The following ADGRV1 variants were observed in gnomAD, a reference collection of about 807,000 sequenced individuals.
The protein encoded by ADGRV1 is adhesion G protein-coupled receptor V1, also known as G-protein coupled receptor 98.
Under a neutral mutation model 596.2 loss-of-function variants are expected in ADGRV1, and 359 were observed. The observed-to-expected ratio is 0.60, with a 90% confidence interval of 0.55 to 0.66. The LOEUF is 0.66. Among genes scored for constraint, ADGRV1 ranks in the 30% least tolerant of loss-of-function variants. ADGRV1 has a pLI of 0.00. For synonymous variants in ADGRV1, 2,681 were observed against 2,679.2 expected, an observed-to-expected ratio of 1.00 and a Z score of -0.02; for missense variants, 7,274 against 7,575.6, an observed-to-expected ratio of 0.96 and a Z score of 1.48.
intron 87 of ADGRV1, among the ~76,000 whole-genome samples, chr5:91,110,334 C>T (rs928101579): frequency 3.3e-5 from 5 of 152,144 alleles, no homozygotes; most frequent in African/African-American, 1.2e-4. Flanking sequence ...ACTGTCCAAA[C>T]CTTGCAGGTG....
At chr5:90,786,869 TAGGC>T (rs1454202232) in intron 67 of ADGRV1, among the ~76,000 whole-genome samples, 1 of 152,146 alleles carries the variant, frequency 6.6e-6, no homozygotes, top group Non-Finnish European at 1.5e-5. Context: ...GGTGGTCACA[TAGGC>T]AGGGCAGCAT....
chr5:90,820,817 A>C (rs904573005), intron 75 of ADGRV1, among the ~76,000 whole-genome samples: 10 of 152,172 alleles, frequency 6.6e-5, no homozygotes, highest in African/African-American at 2.4e-4. Context: ...CTATGAGGGT[A>C]ACCCGACCTT....
At chr5:90,644,387 T>C (rs775051902) in intron 14 of ADGRV1, among the ~76,000 whole-genome samples, 4 of 152,226 alleles carry the variant, frequency 2.6e-5, no homozygotes, top group Non-Finnish European at 5.9e-5. Flanking sequence ...TTCCTGTAAC[T>C]GCTTTTAGCA....
chr5:90,976,474 G>A (rs1261268275), intron 84 of ADGRV1, among the ~76,000 whole-genome samples: 2 of 151,090 alleles, frequency 1.3e-5, no homozygotes, highest in Non-Finnish European at 3.0e-5. Context: ...ATTATTTTTT[G>A]GGTATTGTGT....
chr5:91,134,781 A>T (rs918366900), intron 87 of ADGRV1, among the ~76,000 whole-genome samples: 1 of 152,188 alleles, frequency 6.6e-6, no homozygotes, highest in Non-Finnish European at 1.5e-5. Context: ...TCTATATTAG[A>T]CTAATTTTAT....
chr5:91,131,375 T>C (rs781725023), intron 87 of ADGRV1, among the ~76,000 whole-genome samples: 8 of 152,128 alleles, frequency 5.3e-5, no homozygotes, highest in Non-Finnish European at 8.8e-5. Context: ...CATTGTTTCA[T>C]ATGTTTGTTG....
chr5:91,137,114 C>A (rs1283323414), intron 87 of ADGRV1, among the ~76,000 whole-genome samples: 1 of 151,978 alleles, frequency 6.6e-6, no homozygotes, highest in East Asian at 1.9e-4. Flanking sequence ...ATATGAAATT[C>A]TTGTTTTCCC....
Position 90,653,272 on chromosome 5 carries a change from C to G in ADGRV1, c.3698C>G (p.Pro1233Arg), listed in dbSNP as rs777451217. 3.7e-6 allele frequency: 6 copies of G among 1,613,866 alleles called. No individual in the cohort carries two copies. Among genetic ancestry groups the G allele is most frequent in the Non-Finnish European group, 1.7e-6 (2 of 1,179,842 alleles). The stretch of plus-strand genomic sequence containing the variant: ...AACCTCCAGGTGACAGTAATGGTTC[C>G]ATTCAATGATGATCCCTTTGGAGTT... ...ETNLQVTVMV[P>R]FNDDPFGVFI... Residue 1233 changes from proline (P) to arginine (R), a missense_variant, in exon 20 of 90, where the codon CCA (proline) becomes CGA (arginine). By Grantham distance (103) the Pro-to-Arg change is moderately radical. This residue lies in a region of ADGRV1 where 1,715 missense variants were observed against 1,708.8 expected (regional missense o/e 1.00). Transcript: ENST00000405460.
rs941326382 is a variant in ADGRV1, at chr5:90,683,639, C to A, written c.5718C>A (p.Asp1906Glu). The A allele has an allele frequency of 6.2e-7, 1 of 1,612,482 alleles. No homozygotes were observed. Among genetic ancestry groups the A allele is most frequent in the African/African-American group, 1.3e-5 (1 of 74,894 alleles). The change falls in exon 28 of 90, where the codon GAC becomes GAA. Residue 1906 changes from aspartate (D) to glutamate (E), a missense_variant. Around this residue, in one of 5 missense-constraint regions of ADGRV1, gnomAD observed 3,643 missense variants for 3,809.2 expected, o/e 0.96. Coordinates refer to ENST00000405460, the MANE Select transcript of ADGRV1 (RefSeq NM_032119.4). Reference sequence around the variant, plus strand: ...CAGTGACTTTGCATTGGAACATAGACTCTGATCCTGATGGTGATCTCGCCT... The same window carrying A: ...CAGTGACTTTGCATTGGAACATAGAATCTGATCCTGATGGTGATCTCGCCT... ...LSPVTLHWNI[D>E]SDPDGDLAFT... is the part of the protein sequence containing the mutation.
At chr5:91,139,200 G>C (rs1488816132) in intron 87 of ADGRV1, among the ~76,000 whole-genome samples, 1 of 152,202 alleles carries the variant, frequency 6.6e-6, no homozygotes, top group Non-Finnish European at 1.5e-5. Flanking sequence ...TTAGAATGGA[G>C]TCACATGAGA....
intron 21 of ADGRV1, among the ~76,000 whole-genome samples, chr5:90,664,670 GA>G (rs1770993105): frequency 7.3e-6 from 1 of 137,178 alleles, no homozygotes; most frequent in African/African-American, 2.9e-5. Context: ...AGTGGTGAGA[GA>G]GGGCATCCCT....
rs1443850709 is a variant in ADGRV1, at chr5:90,753,772, T to C, written c.11320T>C (p.Phe3774Leu). ...VITTLPNDSPFGLVGWRAASV... is the reference protein window; with the variant it reads ...VITTLPNDSPLGLVGWRAASV... ...AACAACTTTGCCCAATGACTCACCT[T>C]TTGGCTTGGTGGGCTGGCGTGCTGC... The change falls in exon 54 of 90, where the codon TTT becomes CTT. Residue 3774 changes from phenylalanine (F) to leucine (L), a missense_variant. Coordinates refer to ENST00000405460, the MANE Select transcript of ADGRV1 (RefSeq NM_032119.4). 1 of 1,613,122 alleles carries C rather than the reference T, an allele frequency of 6.2e-7. No individual in the cohort carries two copies. Among genetic ancestry groups the C allele is most frequent in the South Asian group, 1.1e-5 (1 of 91,006 alleles).
In ADGRV1 at chr5:91,026,691, G is replaced by A. The variant is rs142294804; in HGVS notation, c.18152+41169G>A. On this transcript the variant is annotated intron_variant, in intron 85 of 89. Coordinates refer to ENST00000405460, the MANE Select transcript of ADGRV1 (RefSeq NM_032119.4). ...GTGGATTTTGGAGGAGTGCCAAAAA[G>A]ACCTGGCAGGTAACAAAAGTTGGTA... Among the ~76,000 whole-genome samples, 804 of 152,240 alleles carry A rather than the reference G, an allele frequency of 5.3e-3. 9 individuals are homozygous for A. The highest frequency in any genetic ancestry group is 0.02 in the Middle Eastern group (6 of 294).
rs988553719 is a variant in ADGRV1 at position 90,966,189 on chromosome 5, G to A, written c.17973+658G>A. Among the ~76,000 whole-genome samples the A allele has an allele frequency of 3.3e-5, 5 of 152,230 alleles. No homozygotes were observed. The South Asian group carries it at 8.3e-4, about 25-fold the overall frequency. ...CAATGGGGAAGAGCTGGTGAGTTTC[G>A]TTTGGGACATGCTGAATGTGAAGTG... On this transcript the variant is annotated intron_variant, in intron 84 of 89. Transcript: ENST00000405460.
intron 59 of ADGRV1, among the ~76,000 whole-genome samples, chr5:90,773,622 G>A (rs75533886): frequency 0.012 from 1,777 of 152,276 alleles, 34 homozygotes; most frequent in African/African-American, 0.041. Flanking sequence ...GCATATAAAA[G>A]ACCAAGGTCT....
chr5:90,852,801 C>T (rs770375362), intron 79 of ADGRV1, among the ~76,000 whole-genome samples: 1 of 152,148 alleles, frequency 6.6e-6, no homozygotes, highest in Admixed American at 6.5e-5. Flanking sequence ...TTATATTAGG[C>T]AGGCTCTGGT....
intron 83 of ADGRV1, among the ~76,000 whole-genome samples, chr5:90,939,349 A>G (rs2150852577): frequency 6.6e-6 from 1 of 152,266 alleles, no homozygotes. Context: ...TTTTGTTCTG[A>G]TCTGCTGCTG....
At chr5:90,843,006 A>G (rs1765566627) in intron 78 of ADGRV1, among the ~76,000 whole-genome samples, 1 of 152,160 alleles carries the variant, frequency 6.6e-6, no homozygotes, top group African/African-American at 2.4e-5. Context: ...TTCTACTAAC[A>G]TAGACTTCAG....
intron 52 of ADGRV1, 147 bp from the exon 53 acceptor site, chr5:90,750,404 G>A: frequency 1.7e-6 from 1 of 577,092 alleles, no homozygotes; most frequent in Admixed American, 2.9e-5. Context: ...CATTCTATAT[G>A]ACTGTTTTTT....
Sources: allele counts gnomAD v4.1 joint callset (sites outside exome capture counted in the v4.1 genomes callset), GRCh38; gene constraint gnomAD v4.1.1; regional missense constraint gnomAD v4.1.1; transcripts MANE v1.5; gene names NCBI Gene and HGNC (gene_info 2026-07-23, HGNC 2026-07-21).